LRMDA: variants seen among roughly 807,000 people sequenced by gnomAD.
LRMDA encodes the protein leucine rich melanocyte differentiation associated, also known as leucine-rich melanocyte differentiation-associated protein.
In LRMDA, 18 loss-of-function variants were observed where a neutral mutation model predicts 29.8. The ratio of observed to expected loss-of-function variants is 0.60; its 90% CI spans 0.42 to 0.90. The LOEUF (loss-of-function observed/expected upper bound fraction) is 0.90. LRMDA is among the 40% of genes least tolerant of loss of function. The pLI, the probability that LRMDA is intolerant of heterozygous loss-of-function variation, is 0.00. For synonymous variants in LRMDA, 125 were observed against 109.4 expected, an observed-to-expected ratio of 1.14 and a Z score of -0.89; for missense variants, 273 against 273.9, an observed-to-expected ratio of 1.00 and a Z score of 0.02.
intron 2 of LRMDA, among the ~76,000 whole-genome samples, chr10:76,000,937 C>T (rs1847552282): frequency 6.6e-6 from 1 of 152,182 alleles, no homozygotes; most frequent in East Asian, 1.9e-4. Context: ...AAAACAAGGA[C>T]TTATTAGGCC....
intron 2 of LRMDA, among the ~76,000 whole-genome samples, chr10:75,748,628 CTG>C (rs1842917422): frequency 6.6e-6 from 1 of 152,106 alleles, no homozygotes; most frequent in South Asian, 2.1e-4. Context: ...CGAGATGGTA[CTG>C]TGTTTGCTCC....
At chr10:76,059,861 T>C (rs1848676936) in intron 5 of LRMDA, among the ~76,000 whole-genome samples, 2 of 152,174 alleles carry the variant, frequency 1.3e-5, no homozygotes, top group African/African-American at 4.8e-5. Flanking sequence ...TTGCTAGCAG[T>C]TGTGGAAATA....
chr10:76,510,032 GTTTTGTTTTATT>G (rs1842994482), intron 6 of LRMDA, among the ~76,000 whole-genome samples: 1 of 152,006 alleles, frequency 6.6e-6, no homozygotes, highest in Non-Finnish European at 1.5e-5. Flanking sequence ...GTTTATTTTT[GTTTTGTTTTATT>G]TTTTGTTTTT....
chr10:75,759,873 C>A (rs1321199718), intron 2 of LRMDA, among the ~76,000 whole-genome samples: 1 of 152,100 alleles, frequency 6.6e-6, no homozygotes, highest in Non-Finnish European at 1.5e-5. Flanking sequence ...AATATTGGAG[C>A]CTTCAGAGCT....
At position 75,849,357 on chromosome 10, in the gene LRMDA, G is replaced by A. The variant is rs578149797; in HGVS notation, c.132-186651G>A. ...AAGTAGTTCTATGGAATCCACCCAA[G>A]TGTCCATCAATGATAGACTGGATAA... On this transcript the variant is annotated intron_variant, in intron 2 of 6. Coordinates refer to ENST00000611255, the MANE Select transcript of LRMDA (RefSeq NM_001305581.2). 8.8e-5 allele frequency among the ~76,000 whole-genome samples: 13 copies of A among 147,742 alleles called. No individual in the cohort carries two copies. In the South Asian group the frequency reaches 1.6e-3, roughly 18 times the overall value.
At chr10:76,452,166 A>G (rs1842413855) in intron 6 of LRMDA, among the ~76,000 whole-genome samples, 1 of 152,146 alleles carries the variant, frequency 6.6e-6, no homozygotes, top group African/African-American at 2.4e-5. Flanking sequence ...TAGATTGTGT[A>G]TGCCTATGTC....
intron 6 of LRMDA, among the ~76,000 whole-genome samples, chr10:76,552,950 G>T (rs1233022091): frequency 6.6e-6 from 1 of 152,176 alleles, no homozygotes; most frequent in African/African-American, 2.4e-5. Flanking sequence ...CAGCCCCAAG[G>T]TTATAACTTA....
At chr10:76,179,343 C>T (rs961575560) in intron 5 of LRMDA, among the ~76,000 whole-genome samples, 1 of 152,088 alleles carries the variant, frequency 6.6e-6, no homozygotes, top group African/African-American at 2.4e-5. Context: ...AAGCATGTAG[C>T]TGGCCTAATT....
intron 2 of LRMDA, among the ~76,000 whole-genome samples, chr10:75,922,091 T>C (rs1410772520): frequency 6.6e-6 from 1 of 152,232 alleles, no homozygotes; most frequent in African/African-American, 2.4e-5. Flanking sequence ...TTGATATCTG[T>C]TTCCTGCCCA....
At chr10:76,162,343 A>G (rs1850661843) in intron 5 of LRMDA, among the ~76,000 whole-genome samples, 3 of 152,174 alleles carry the variant, frequency 2.0e-5, no homozygotes, top group African/African-American at 2.4e-5. Context: ...ACCATTTACT[A>G]GCCCTATGAA....
intron 2 of LRMDA, among the ~76,000 whole-genome samples, chr10:75,807,360 G>A (rs965415314): frequency 5.3e-5 from 8 of 152,206 alleles, no homozygotes; most frequent in Non-Finnish European, 1.0e-4. Flanking sequence ...GCAGCCTGAG[G>A]CCTGCCTGGT....
At chr10:75,813,972 A>T (rs1033371359) in intron 2 of LRMDA, among the ~76,000 whole-genome samples, 2 of 152,252 alleles carry the variant, frequency 1.3e-5, no homozygotes, top group African/African-American at 4.8e-5. Context: ...ATTCCAGCCA[A>T]TAAATCCATT....
chr10:76,205,727 G>T (rs908713064), intron 5 of LRMDA, among the ~76,000 whole-genome samples: 2 of 152,152 alleles, frequency 1.3e-5, no homozygotes, highest in African/African-American at 4.8e-5. Context: ...GCTCTAGATG[G>T]CAGAGAGTGG....
chr10:76,278,623 A>G (rs1840165607), intron 5 of LRMDA, among the ~76,000 whole-genome samples: 1 of 152,188 alleles, frequency 6.6e-6, no homozygotes, highest in Non-Finnish European at 1.5e-5. Flanking sequence ...TAGCACTCAG[A>G]CAGCATATAG....
chr10:76,530,426 A>G (rs1403585281), intron 6 of LRMDA, among the ~76,000 whole-genome samples: 2 of 152,182 alleles, frequency 1.3e-5, no homozygotes, highest in African/African-American at 4.8e-5. Context: ...TTTTGTTTAG[A>G]TCCATTTTAT....
At chr10:75,702,253 C>T (rs1224073229) in intron 2 of LRMDA, among the ~76,000 whole-genome samples, 1 of 152,140 alleles carries the variant, frequency 6.6e-6, no homozygotes, top group Non-Finnish European at 1.5e-5. Flanking sequence ...CCCTGCAGAC[C>T]ATCATCTCTC....
intron 2 of LRMDA, among the ~76,000 whole-genome samples, chr10:75,538,676 A>G (rs1839981643): frequency 6.6e-6 from 1 of 152,062 alleles, no homozygotes; most frequent in South Asian, 2.1e-4. Context: ...TTTCTCATCT[A>G]TGCCTTTGTT....
At chr10:75,617,671 C>A (rs977850783) in intron 2 of LRMDA, among the ~76,000 whole-genome samples, 1 of 152,192 alleles carries the variant, frequency 6.6e-6, no homozygotes, top group Non-Finnish European at 1.5e-5. Flanking sequence ...CATTGCATCA[C>A]CTCACAGTCA....
At chr10:75,807,970 T>C (rs7072973) in intron 2 of LRMDA, among the ~76,000 whole-genome samples, 58,223 of 152,084 alleles carry the variant, frequency 0.38, 13,087 homozygotes, top group South Asian at 0.55. Context: ...TGTTGCTCAA[T>C]TGGGTTCCTG....
Sources: allele counts gnomAD v4.1 joint callset (sites outside exome capture counted in the v4.1 genomes callset), GRCh38; gene constraint gnomAD v4.1.1; transcripts MANE v1.5; gene names NCBI Gene and HGNC (gene_info 2026-07-23, HGNC 2026-07-21).